HOMER1: variants seen among roughly 807,000 people sequenced by gnomAD.
HOMER1 encodes homer protein homolog 1.
HOMER1 carries 3 observed loss-of-function variants against 48.9 expected under a neutral mutation model. That is an observed-to-expected ratio of 0.06 (90% CI 0.03 to 0.16). The LOEUF (loss-of-function observed/expected upper bound fraction) is 0.16, where lower values mean the gene tolerates loss of function less well. HOMER1 is among the 10% of genes least tolerant of loss of function. HOMER1 has a pLI of 1.00. For missense variants in HOMER1, 247 were observed against 411.4 expected, an observed-to-expected ratio of 0.60 and a Z score of 3.46; for synonymous variants, 134 against 146.4, an observed-to-expected ratio of 0.92 and a Z score of 0.61.
chr5:79,508,864 G>A (rs934691585), intron 1 of HOMER1, among the ~76,000 whole-genome samples: 1 of 152,194 alleles, frequency 6.6e-6, no homozygotes. Flanking sequence ...CTAAGGGAAG[G>A]AGCACATTGT....
At chr5:79,494,188 A>G (rs537374631) in intron 1 of HOMER1, among the ~76,000 whole-genome samples, 33 of 152,224 alleles carry the variant, frequency 2.2e-4, no homozygotes, top group Non-Finnish European at 4.3e-4. Context: ...ACCCTGCATG[A>G]GCTCATCCAC....
intron 8 of HOMER1, among the ~76,000 whole-genome samples, chr5:79,382,211 G>T (rs981165957): frequency 6.6e-6 from 1 of 152,164 alleles, no homozygotes; most frequent in Non-Finnish European, 1.5e-5. Context: ...GTTCCCGGAG[G>T]TGAAGAGAGA....
chr5:79,511,609 T>C (rs1038341054), intron 1 of HOMER1, among the ~76,000 whole-genome samples: 1 of 152,190 alleles, frequency 6.6e-6, no homozygotes, highest in Non-Finnish European at 1.5e-5. Flanking sequence ...TCATGCAAGT[T>C]ATATATATTC....
intron 1 of HOMER1, among the ~76,000 whole-genome samples, chr5:79,488,899 G>T (rs1486121389): frequency 1.3e-5 from 2 of 152,192 alleles, no homozygotes; most frequent in African/African-American, 4.8e-5. Context: ...TTCAAACCTA[G>T]ATCTGATGGT....
chr5:79,418,713 G>T (rs573987952), intron 5 of HOMER1, among the ~76,000 whole-genome samples: 2 of 152,300 alleles, frequency 1.3e-5, no homozygotes, highest in Admixed American at 1.3e-4. Flanking sequence ...TGCTGTAATG[G>T]ATGGGTACTT....
chr5:79,414,869 G>C (rs1372703147), intron 5 of HOMER1, among the ~76,000 whole-genome samples: 1 of 152,110 alleles, frequency 6.6e-6, no homozygotes, highest in Non-Finnish European at 1.5e-5. Context: ...AATATAGTTG[G>C]CTATAGGTAA....
chr5:79,400,487 G>A (rs1453473096), intron 6 of HOMER1, among the ~76,000 whole-genome samples: 1 of 151,004 alleles, frequency 6.6e-6, no homozygotes, highest in Non-Finnish European at 1.5e-5. Flanking sequence ...CTCCTAAGTA[G>A]TTGGAACTAT....
chr5:79,449,101 G>C (rs1318370331), intron 3 of HOMER1, among the ~76,000 whole-genome samples: 1 of 152,032 alleles, frequency 6.6e-6, no homozygotes, highest in Non-Finnish European at 1.5e-5. Context: ...ATGTAACGAA[G>C]AACTTAATTT....
intron 2 of HOMER1, among the ~76,000 whole-genome samples, chr5:79,453,179 G>C (rs902791905): frequency 6.6e-6 from 1 of 152,024 alleles, no homozygotes; most frequent in African/African-American, 2.4e-5. Flanking sequence ...GGATGTGACA[G>C]AGTGAAACGC....
At chr5:79,472,409 C>A (rs1225497329) in intron 1 of HOMER1, among the ~76,000 whole-genome samples, 1 of 152,148 alleles carries the variant, frequency 6.6e-6, no homozygotes, top group African/African-American at 2.4e-5. Flanking sequence ...ATTCATTGAG[C>A]TGCAGATTTG....
chr5:79,389,821 A>G (rs981662020), intron 8 of HOMER1, among the ~76,000 whole-genome samples: 2 of 152,234 alleles, frequency 1.3e-5, no homozygotes, highest in Admixed American at 6.5e-5. Context: ...TATTTAATGT[A>G]TAAAGACTAA....
At chr5:79,442,509 G>A (rs1354878378) in intron 4 of HOMER1, among the ~76,000 whole-genome samples, 3 of 152,182 alleles carry the variant, frequency 2.0e-5, no homozygotes, top group African/African-American at 7.2e-5. Flanking sequence ...GTATTGGAAG[G>A]ATGGGCTGGG....
intron 8 of HOMER1, among the ~76,000 whole-genome samples, chr5:79,386,923 TCCTCC>T (rs1749124140): frequency 9.9e-6 from 1 of 101,088 alleles, no homozygotes. Flanking sequence ...CCTCCCTCCC[TCCTCC>T]CCTCCCTTCC....
intron 8 of HOMER1, among the ~76,000 whole-genome samples, chr5:79,379,113 T>TATATATAA (rs1554056111): frequency 2.3e-5 from 2 of 87,738 alleles, no homozygotes; most frequent in Non-Finnish European, 4.3e-5. Context: ...TATATATATA[T>TATATATAA]AAAATATATA....
intron 8 of HOMER1, among the ~76,000 whole-genome samples, chr5:79,379,326 TTA>T (rs1283701500): frequency 1.1e-4 from 12 of 108,456 alleles, no homozygotes; most frequent in Middle Eastern, 8.1e-3. Context: ...ATATAAATAT[TTA>T]TATATATTTA....
At chr5:79,468,868 T>G (rs1751545481) in intron 1 of HOMER1, among the ~76,000 whole-genome samples, 1 of 152,202 alleles carries the variant, frequency 6.6e-6, no homozygotes, top group East Asian at 1.9e-4. Context: ...CATGAAATGG[T>G]ATTTCACTGT....
At chr5:79,458,835 G>A (rs1751240600) in intron 1 of HOMER1, among the ~76,000 whole-genome samples, 1 of 152,064 alleles carries the variant, frequency 6.6e-6, no homozygotes, top group Non-Finnish European at 1.5e-5. Context: ...CTCTGAATTG[G>A]GAATACGTCT....
At chr5:79,421,949 G>A (rs1561357241) in intron 5 of HOMER1, among the ~76,000 whole-genome samples, 2 of 152,168 alleles carry the variant, frequency 1.3e-5, no homozygotes, top group South Asian at 2.1e-4. Context: ...AACATAGGCC[G>A]GATGCAGTGG....
At chr5:79,441,781 C>A (rs1750743900) in intron 4 of HOMER1, among the ~76,000 whole-genome samples, 1 of 151,052 alleles carries the variant, frequency 6.6e-6, no homozygotes, top group African/African-American at 2.4e-5. Context: ...AAAATGAAAC[C>A]CTCTTTCCCT....
Sources: allele counts gnomAD v4.1 joint callset (sites outside exome capture counted in the v4.1 genomes callset), GRCh38; gene constraint gnomAD v4.1.1; transcripts MANE v1.5; gene names NCBI Gene and HGNC (gene_info 2026-07-23, HGNC 2026-07-21).